Variants in UGT1A9 observed in about 807,000 individuals in gnomAD.
UGT1A9 encodes UDP glucuronosyltransferase family 1 member A9, also known as UDP-glucuronosyltransferase 1A9.
UGT1A9 carries 35 observed loss-of-function variants against 45.0 expected under a neutral mutation model. The observed-to-expected ratio is 0.78, with a 90% CI of 0.59 to 1.03. The LOEUF (loss-of-function observed/expected upper bound fraction) is 1.03, where lower values mean the gene tolerates loss of function less well. Among genes scored for constraint, UGT1A9 ranks in the 50% least tolerant of loss-of-function variants. The probability of loss-of-function intolerance (pLI) is 0.00; values close to 1 mark genes in which losing one functional copy is unlikely to be tolerated. For missense variants in UGT1A9, 687 were observed against 666.6 expected (o/e 1.03, Z -0.34); for synonymous variants, 278 against 250.6 (o/e 1.11, Z -1.03).
At chr2:233,722,921 C>G (rs1255779754) in intron 1 of UGT1A9, among the ~76,000 whole-genome samples, 1 of 128,932 alleles carries the variant, frequency 7.8e-6, no homozygotes, top group African/African-American at 2.9e-5. Flanking sequence ...GGTCTTCATC[C>G]TCATTGTCTC....
intron 1 of UGT1A9, among the ~76,000 whole-genome samples, chr2:233,725,356 T>C (rs148228009): frequency 7.0e-6 from 1 of 143,138 alleles, no homozygotes; most frequent in East Asian, 2.0e-4. Context: ...GAATGTTTCT[T>C]ATGAAGACAC....
At chr2:233,682,158 T>A (rs754272342) in intron 1 of UGT1A9, 11 of 1,614,086 alleles carry the variant, frequency 6.8e-6, no homozygotes, top group Non-Finnish European at 9.3e-6. Context: ...AATTGCACAG[T>A]GAAGACTTAC....
At position 233,671,951 on chromosome 2, in the gene UGT1A9, G is replaced by A; in HGVS notation, c.17G>A (p.Trp6Ter). 1 of 1,612,762 alleles carries A rather than the reference G, an allele frequency of 6.2e-7. No individual in the cohort carries two copies. The highest frequency in any genetic ancestry group is 8.5e-7 in the Non-Finnish European group (1 of 1,179,274). The change falls in exon 1 of 5, where the codon TGG becomes TAG. Residue 6 changes from tryptophan (W) to a stop codon, truncating the protein, a stop_gained. Coordinates refer to ENST00000354728, the MANE Select transcript of UGT1A9 (RefSeq NM_021027.3). LOFTEE classifies it high-confidence loss of function. MACTG[W>*]TSPLPLCVCL... ...AGTTCTCTGATGGCTTGCACAGGGT[G>A]GACCAGCCCCCTTCCTCTATGTGTG...
chr2:233,724,981 G>A lies in UGT1A9; in HGVS notation c.856-42053G>A, dbSNP rs528946654. Among the ~76,000 whole-genome samples, 6 of 134,964 alleles carry A rather than the reference G, an allele frequency of 4.4e-5. 1 individual carries two copies. Among genetic ancestry groups the A allele is most frequent in the South Asian group, 2.4e-4 (1 of 4,092 alleles). The allele number at this position is 134,964 out of a possible 152,430, so 88.5% of individuals were successfully genotyped here. On this transcript the variant is annotated intron_variant, in intron 1 of 4. Transcript: ENST00000354728. ...GGAGGCCGAGGTTGGCGGATCACTC[G>A]CGGTTAGGGGCTGGAGACCGGCCCG...
chr2:233,727,904 A>G (rs1312363153), intron 1 of UGT1A9, among the ~76,000 whole-genome samples: 1 of 152,232 alleles, frequency 6.6e-6, no homozygotes, highest in Non-Finnish European at 1.5e-5. Flanking sequence ...CCAGGCAAGA[A>G]GACACAGGGG....
rs781679584 is a variant in UGT1A9 at position 233,729,361 on chromosome 2, A to T, written c.856-37673A>T. ...AGAAGAGAACTTTTTCACCCTGACA[A>T]CCTATGCCATTTCGTGGACCCAGGA... On this transcript the variant is annotated intron_variant, in intron 1 of 4. Transcript: ENST00000354728. 4 of 1,613,978 alleles carry T rather than the reference A, an allele frequency of 2.5e-6. No individual in the cohort carries two copies. The Admixed American group carries it at 5.0e-5, about 20-fold the overall frequency.
chr2:233,728,931 T>C (rs569892277), intron 1 of UGT1A9, among the ~76,000 whole-genome samples: 4,920 of 152,288 alleles, frequency 0.032, 257 homozygotes, highest in African/African-American at 0.11. Flanking sequence ...TCATGATCGG[T>C]CTTTTCCAGG....
chr2:233,753,085 C>T (rs1365560580), intron 1 of UGT1A9: 1 of 152,188 alleles, frequency 6.6e-6, no homozygotes, highest in Non-Finnish European at 1.5e-5. Flanking sequence ...CCTTTTATTC[C>T]TGAACGGCTC....
chr2:233,747,487 T>A lies in UGT1A9; in HGVS notation c.856-19547T>A, dbSNP rs547060406. 1.9e-5 allele frequency: 31 copies of A among 1,608,702 alleles called. 1 individual carries two copies. In the South Asian group the frequency reaches 2.7e-4, roughly 14 times the overall value. On this transcript the variant is annotated intron_variant, in intron 1 of 4. Transcript: ENST00000354728. ...TGGACCCAGGATGAATTTGATCGCC[T>A]TGTGCTGGGCCACACTCAACTGTAC...
At chr2:233,693,768 T>C in intron 1 of UGT1A9, 3 of 1,614,198 alleles carry the variant, frequency 1.9e-6, no homozygotes, top group Non-Finnish European at 2.5e-6. Context: ...GTTTGGCTGT[T>C]AAGATATGAC....
rs1699786143 is a variant in UGT1A9 at position 233,769,071 on chromosome 2, C to T, written c.1295+632C>T. Among the ~76,000 whole-genome samples, 1 of 152,122 alleles carries T rather than the reference C, an allele frequency of 6.6e-6. No homozygotes were observed. The highest frequency in any genetic ancestry group is 2.1e-4 in the South Asian group (1 of 4,832). On this transcript the variant is annotated intron_variant, in intron 4 of 4. Transcript: ENST00000354728. The surrounding 1 kb of genome is among the most constrained non-coding windows in gnomAD (Gnocchi z 4.4). ...TAAGTTTCCTGCACAGAAAGAAATA[C>T]TCCATTATAAGAAGCATAGTATCTT...
intron 1 of UGT1A9, chr2:233,690,489 C>G: frequency 7.8e-7 from 1 of 1,289,698 alleles, no homozygotes. Context: ...GGGAAATCTG[C>G]TCTTGCCAAC....
intron 1 of UGT1A9, among the ~76,000 whole-genome samples, chr2:233,685,353 A>C (rs1228516617): frequency 6.6e-6 from 1 of 152,132 alleles, no homozygotes; most frequent in Non-Finnish European, 1.5e-5. Flanking sequence ...TTTAATGAGA[A>C]AAAAAGAAAA....
At chr2:233,698,156 C>T (rs1023372379) in intron 1 of UGT1A9, among the ~76,000 whole-genome samples, 1 of 152,042 alleles carries the variant, frequency 6.6e-6, no homozygotes, top group African/African-American at 2.4e-5. Context: ...CCCAGCATGT[C>T]GTCCTAGAGA....
intron 1 of UGT1A9, among the ~76,000 whole-genome samples, chr2:233,720,911 A>G (rs1392017117): frequency 6.8e-6 from 1 of 146,884 alleles, no homozygotes; most frequent in Admixed American, 6.8e-5. Flanking sequence ...AGGTTTCGCA[A>G]TGTTAGCCAG....
rs1464490488 is a variant in UGT1A9 at position 233,772,373 on chromosome 2, A to C, written c.1407A>C (p.Pro469=). 1.2e-6 allele frequency: 2 copies of C among 1,614,108 alleles called. No individual in the cohort carries two copies. The highest frequency in any genetic ancestry group is 2.2e-5 in the East Asian group (1 of 44,894). Reference sequence around the variant, plus strand: ...TTGTGATGAGGCACAAGGGCGCGCCACACCTGCGCCCCGCAGCCCACGACC... The same window carrying C: ...TTGTGATGAGGCACAAGGGCGCGCCCCACCTGCGCCCCGCAGCCCACGACC... ...VEFVMRHKGA[P]HLRPAAHDLT... The change falls in exon 5 of 5, where the codon CCA becomes CCC. Residue 469 remains proline, a synonymous_variant. Transcript: ENST00000354728.
chr2:233,743,044 G>A lies in UGT1A9; in HGVS notation c.856-23990G>A, dbSNP rs1369920838. On this transcript the variant is annotated intron_variant, in intron 1 of 4. Coordinates refer to ENST00000354728, the MANE Select transcript of UGT1A9 (RefSeq NM_021027.3). ...AAAGACAAACAGAGGTCCTATCCGT[G>A]TAGTCCCAACGATAAGAACAGGTGT... The A allele has an allele frequency of 1.9e-5, 6 of 317,270 alleles. 1 individual carries two copies. The highest frequency in any genetic ancestry group is 4.4e-5 in the African/African-American group (2 of 45,752). The allele number at this position is 317,270 out of a possible 1,614,324, so 19.7% of individuals were successfully genotyped here. A position where few individuals can be genotyped will look rare whatever the true frequency, so the allele number is the denominator to read the frequency against.
intron 1 of UGT1A9, among the ~76,000 whole-genome samples, chr2:233,712,410 G>T (rs1290226117): frequency 1.3e-5 from 2 of 152,150 alleles, no homozygotes; most frequent in Non-Finnish European, 2.9e-5. Context: ...TCCTCTTTGA[G>T]CTTTACAAGA....
chr2:233,743,538 C>T, intron 1 of UGT1A9: 1 of 1,367,252 alleles, frequency 7.3e-7, no homozygotes, highest in Non-Finnish European at 9.8e-7. Flanking sequence ...AGCAGTTCCT[C>T]TGACCCCCCC....
Sources: allele counts gnomAD v4.1 joint callset (sites outside exome capture counted in the v4.1 genomes callset), GRCh38; gene constraint gnomAD v4.1.1; non-coding constraint Gnocchi (gnomAD v3.1); transcripts MANE v1.5; gene names NCBI Gene and HGNC (gene_info 2026-07-23, HGNC 2026-07-21).